SCAPER: variants seen among roughly 807,000 people sequenced by gnomAD.
SCAPER encodes the protein S phase cyclin A-associated protein in the endoplasmic reticulum.
SCAPER carries 98 observed loss-of-function variants against 182.2 expected under a neutral mutation model. The ratio of observed to expected loss-of-function variants is 0.54; its 90% CI spans 0.46 to 0.64. SCAPER has a LOEUF of 0.64. Ranked by LOEUF, SCAPER falls within the 30% of genes least tolerant of loss-of-function variation. The pLI, the probability that SCAPER is intolerant of heterozygous loss-of-function variation, is 0.00. For synonymous variants in SCAPER, 605 were observed against 564.6 expected (o/e 1.07, Z -1.01); for missense variants, 1,432 against 1,690.0 (o/e 0.85, Z 2.68).
chr15:76,714,508 G>A (rs1418624113), intron 17 of SCAPER, among the ~76,000 whole-genome samples: 2 of 151,188 alleles, frequency 1.3e-5, no homozygotes, highest in African/African-American at 4.9e-5. Flanking sequence ...TGTAAAAAAT[G>A]TGATTACCAT....
At chr15:76,358,834 G>A (rs1243663237) in intron 29 of SCAPER, among the ~76,000 whole-genome samples, 2 of 152,212 alleles carry the variant, frequency 1.3e-5, no homozygotes, top group African/African-American at 4.8e-5. Context: ...CTAACCAGGT[G>A]CACTTCAGAG....
intron 26 of SCAPER, among the ~76,000 whole-genome samples, chr15:76,417,556 G>C (rs1325007031): frequency 6.6e-6 from 1 of 152,238 alleles, no homozygotes; most frequent in Admixed American, 6.5e-5. Context: ...GACACAGGAA[G>C]AGGAGCTCCT....
chr15:76,822,306 G>A (rs1440590517), intron 5 of SCAPER, among the ~76,000 whole-genome samples: 2 of 151,916 alleles, frequency 1.3e-5, no homozygotes, highest in Non-Finnish European at 2.9e-5. Flanking sequence ...ATTTTGTTGT[G>A]AACCTAAAAT....
chr15:76,600,254 GAATA>G (rs1311324666), intron 22 of SCAPER, among the ~76,000 whole-genome samples: 1 of 118,478 alleles, frequency 8.4e-6, no homozygotes, highest in East Asian at 2.2e-4. Flanking sequence ...AAAAAATAAG[GAATA>G]GTTACAATTA....
chr15:76,568,282 T>G (rs2047192027), intron 23 of SCAPER, among the ~76,000 whole-genome samples: 1 of 151,390 alleles, frequency 6.6e-6, no homozygotes, highest in South Asian at 2.1e-4. Context: ...CTCCGTCTTG[T>G]CTCCAATAGA....
chr15:76,628,926 T>C (rs1442747187), intron 21 of SCAPER, among the ~76,000 whole-genome samples: 1 of 152,230 alleles, frequency 6.6e-6, no homozygotes, highest in Non-Finnish European at 1.5e-5. Flanking sequence ...TTTCCATTTG[T>C]TTGTGTCTGC....
chr15:76,705,537 T>G (rs998592480), intron 18 of SCAPER, among the ~76,000 whole-genome samples: 2 of 150,256 alleles, frequency 1.3e-5, no homozygotes, highest in African/African-American at 4.9e-5. Flanking sequence ...ACCCTAAAAC[T>G]TAAAGTATAA....
chr15:76,615,988 A>G (rs998665588), intron 22 of SCAPER, among the ~76,000 whole-genome samples: 1 of 152,194 alleles, frequency 6.6e-6, no homozygotes, highest in Admixed American at 6.5e-5. Flanking sequence ...TGGTGAGGAC[A>G]TGGAGATATT....
At chr15:76,781,067 G>A (rs376697593) in intron 8 of SCAPER, among the ~76,000 whole-genome samples, 3 of 152,258 alleles carry the variant, frequency 2.0e-5, no homozygotes, top group Admixed American at 6.5e-5. Context: ...GGCTTCAGAA[G>A]GCCAGTAATA....
chr15:76,642,620 AACGC>A (rs2054188348), intron 21 of SCAPER, among the ~76,000 whole-genome samples: 1 of 152,166 alleles, frequency 6.6e-6, no homozygotes. Context: ...TATTACCAGC[AACGC>A]ACAGATGGCA....
At position 76,841,851 on chromosome 15, in the gene SCAPER, G is replaced by A. The variant is rs1462389059; in HGVS notation, c.276C>T (p.His92=). Residue 92 remains histidine (H), a synonymous_variant, in exon 5 of 32, where the codon CAC becomes CAT. Transcript: ENST00000563290. ...HFDKSPTKTR[H]PRKIDLRARY... ...GAGCTCTTAGATCAATTTTCCGAGG[G>A]TGCCTTGTTTTAGTGGGACTTTTAT... 3 of 1,613,796 alleles carry A rather than the reference G, an allele frequency of 1.9e-6. No homozygotes were observed. Among genetic ancestry groups the A allele is most frequent in the African/African-American group, 2.7e-5 (2 of 74,930 alleles).
intron 8 of SCAPER, among the ~76,000 whole-genome samples, chr15:76,790,784 C>A (rs1298990768): frequency 6.6e-6 from 1 of 152,030 alleles, no homozygotes; most frequent in African/African-American, 2.4e-5. Context: ...TTAAAAGAAC[C>A]ACTTTTTGGC....
chr15:76,606,820 C>T (rs2050453266), intron 22 of SCAPER, among the ~76,000 whole-genome samples: 1 of 152,066 alleles, frequency 6.6e-6, no homozygotes, highest in African/African-American at 2.4e-5. Flanking sequence ...TCTGTTTTAT[C>T]AGAGACTAGG....
chr15:76,715,865 C>T (rs1256801847), intron 17 of SCAPER, among the ~76,000 whole-genome samples: 1 of 152,168 alleles, frequency 6.6e-6, no homozygotes, highest in African/African-American at 2.4e-5. Context: ...GAAACAAACA[C>T]TGTGTAGTGG....
intron 23 of SCAPER, among the ~76,000 whole-genome samples, chr15:76,517,178 A>G (rs2042493081): frequency 6.6e-6 from 1 of 152,014 alleles, no homozygotes; most frequent in Non-Finnish European, 1.5e-5. Context: ...AAATAGCCCA[A>G]ATTTATAAAA....
At chr15:76,866,256 T>TGTGC (rs1241618498) in intron 2 of SCAPER, among the ~76,000 whole-genome samples, 1 of 152,062 alleles carries the variant, frequency 6.6e-6, no homozygotes, top group South Asian at 2.1e-4. Context: ...TGTGTGTGTG[T>TGTGC]GTGCGTGTGT....
At chr15:76,571,995 TGG>T (rs1421572928) in intron 23 of SCAPER, among the ~76,000 whole-genome samples, 3 of 152,170 alleles carry the variant, frequency 2.0e-5, no homozygotes, top group African/African-American at 7.2e-5. Flanking sequence ...AACTCTTAGG[TGG>T]TCCTGCAGTG....
intron 27 of SCAPER, among the ~76,000 whole-genome samples, chr15:76,400,004 CA>C (rs11286576): frequency 0.53 from 60,908 of 114,284 alleles, 13,156 homozygotes; most frequent in Middle Eastern, 0.71. Context: ...GACTCCGTCT[CA>C]AAAAAAAAAA....
At position 76,753,823 on chromosome 15, in the gene SCAPER, T is replaced by C; in HGVS notation, c.1851A>G (p.Gln617=). 5 of 1,612,598 alleles carry C rather than the reference T, an allele frequency of 3.1e-6. No individual in the cohort carries two copies. The highest frequency in any genetic ancestry group is 4.2e-6 in the Non-Finnish European group (5 of 1,179,020). ...TATGATATACCTTAGCTTCTTCTTC[T>C]TGTGCTTTTTTCACAATTGCTTGTA... ...VQLQAIVKKA[Q]EEEAKVNEIA... Residue 617 remains glutamine (Q), a synonymous_variant, in exon 15 of 32, where the codon CAA becomes CAG. Coordinates refer to ENST00000563290, the MANE Select transcript of SCAPER (RefSeq NM_020843.4).
Sources: gnomAD v4.1 joint callset for allele counts (sites outside exome capture counted in the v4.1 genomes callset) on GRCh38, gnomAD v4.1.1 for gene constraint, MANE v1.5 for transcripts, NCBI Gene and HGNC (gene_info 2026-07-23, HGNC 2026-07-21) for gene names.